VAV3: variants seen among roughly 807,000 people sequenced by gnomAD.
The protein encoded by VAV3 is guanine nucleotide exchange factor VAV3.
A neutral mutation model predicts 131.2 loss-of-function variants in VAV3; 94 were observed. The ratio of observed to expected loss-of-function variants is 0.72; its 90% CI spans 0.61 to 0.85. VAV3 has a LOEUF of 0.85. Among genes scored for constraint, VAV3 ranks in the 40% least tolerant of loss-of-function variants. VAV3 has a pLI of 0.00. For missense variants in VAV3, 939 were observed against 1,002.7 expected (o/e 0.94, Z 0.86); for synonymous variants, 349 against 342.0 (o/e 1.02, Z -0.22).
intron 1 of VAV3, among the ~76,000 whole-genome samples, chr1:107,932,376 T>G (rs1315753119): frequency 6.6e-6 from 1 of 152,144 alleles, no homozygotes; most frequent in East Asian, 1.9e-4. Flanking sequence ...CAGGAGTGAG[T>G]GACATTAGTT....
At chr1:107,848,818 G>C (rs1374659572) in intron 2 of VAV3, among the ~76,000 whole-genome samples, 1 of 152,144 alleles carries the variant, frequency 6.6e-6, no homozygotes, top group Non-Finnish European at 1.5e-5. Flanking sequence ...CGTATATTTA[G>C]AAAATTCCAT....
intron 19 of VAV3, among the ~76,000 whole-genome samples, chr1:107,654,426 C>G (rs1398682402): frequency 2.6e-5 from 4 of 151,960 alleles, no homozygotes; most frequent in Non-Finnish European, 4.4e-5. Flanking sequence ...ATTGGGAATA[C>G]TAAAAATTTA....
At chr1:107,680,659 C>T (rs936878117) in intron 19 of VAV3, among the ~76,000 whole-genome samples, 1 of 152,214 alleles carries the variant, frequency 6.6e-6, no homozygotes, top group Non-Finnish European at 1.5e-5. Flanking sequence ...GTGATCCTCC[C>T]ACTTGGCCTC....
chr1:107,633,840 T>C (rs1654700242), intron 20 of VAV3, among the ~76,000 whole-genome samples: 1 of 152,064 alleles, frequency 6.6e-6, no homozygotes, highest in African/African-American at 2.4e-5. Flanking sequence ...AAGCCTCTGC[T>C]GAGTTCCTAG....
intron 20 of VAV3, among the ~76,000 whole-genome samples, chr1:107,633,024 T>C (rs767785310): frequency 3.9e-5 from 6 of 152,170 alleles, no homozygotes; most frequent in Non-Finnish European, 7.4e-5. Context: ...GGCAGTAGTA[T>C]TTAGTAAAAA....
At chr1:107,889,589 A>T (rs1053041832) in intron 1 of VAV3, among the ~76,000 whole-genome samples, 1 of 152,206 alleles carries the variant, frequency 6.6e-6, no homozygotes, top group East Asian at 1.9e-4. Flanking sequence ...ATGGCTGTTT[A>T]AAAATCACAT....
intron 20 of VAV3, among the ~76,000 whole-genome samples, chr1:107,636,306 T>C (rs543875705): frequency 9.0e-4 from 137 of 152,302 alleles, no homozygotes; most frequent in Admixed American, 1.8e-3. Context: ...AGATGGGCCA[T>C]AAAATAATTC....
intron 15 of VAV3, among the ~76,000 whole-genome samples, chr1:107,707,077 A>G (rs573114242): frequency 1.4e-4 from 21 of 152,216 alleles, no homozygotes; most frequent in Non-Finnish European, 2.4e-4. Flanking sequence ...CAAAAAAATT[A>G]TGATGAAAAA....
At chr1:107,890,052 C>A (rs1035423664) in intron 1 of VAV3, among the ~76,000 whole-genome samples, 2 of 152,024 alleles carry the variant, frequency 1.3e-5, no homozygotes, top group Non-Finnish European at 1.5e-5. Flanking sequence ...CAGATTTTAG[C>A]TCTGCTCACT....
At chr1:107,639,049 A>G (rs1194536523) in intron 20 of VAV3, among the ~76,000 whole-genome samples, 1 of 152,100 alleles carries the variant, frequency 6.6e-6, no homozygotes, top group Non-Finnish European at 1.5e-5. Context: ...TGTATGGACA[A>G]CACATTATCT....
chr1:107,571,497 T>C lies in VAV3; in HGVS notation c.*1834A>G, dbSNP rs1453998469. On this transcript the variant is annotated 3_prime_UTR_variant, in exon 27 of 27. Coordinates refer to ENST00000370056, the MANE Select transcript of VAV3 (RefSeq NM_006113.5). ...TCTATTGACTAAAATAAACAATACA[T>C]GCTACAATACCATCCACAGGAGTGT... The C allele has an allele frequency of 6.6e-6, 1 of 152,556 alleles. No homozygotes were observed. Among genetic ancestry groups the C allele is most frequent in the Admixed American group, 6.5e-5 (1 of 15,282 alleles). 9.5% of individuals were successfully genotyped at this position (152,556 alleles called of 1,614,324 possible).
intron 1 of VAV3, among the ~76,000 whole-genome samples, chr1:107,944,341 G>A (rs969373403): frequency 6.6e-6 from 1 of 152,164 alleles, no homozygotes; most frequent in African/African-American, 2.4e-5. Flanking sequence ...TTGCAGGTAA[G>A]TAAGTCTCAA....
At chr1:107,754,502 A>G (rs1280565943) in intron 12 of VAV3, among the ~76,000 whole-genome samples, 1 of 152,196 alleles carries the variant, frequency 6.6e-6, no homozygotes, top group African/African-American at 2.4e-5. Flanking sequence ...TCCTCTCTTG[A>G]AACCACTTCA....
chr1:107,701,850 T>G (rs1419973957), intron 17 of VAV3, among the ~76,000 whole-genome samples: 1 of 152,164 alleles, frequency 6.6e-6, no homozygotes, highest in Non-Finnish European at 1.5e-5. Flanking sequence ...CAGCCCGAAC[T>G]TCATTGTCCA....
chr1:107,754,984 CT>C (rs200230420), intron 12 of VAV3, among the ~76,000 whole-genome samples: 14 of 149,408 alleles, frequency 9.4e-5, no homozygotes, highest in Non-Finnish European at 1.6e-4. Context: ...ATTTTTAACT[CT>C]TTTTTTTTTA....
At chr1:107,962,944 T>C (rs954992339) in intron 1 of VAV3, among the ~76,000 whole-genome samples, 1 of 152,224 alleles carries the variant, frequency 6.6e-6, no homozygotes, top group East Asian at 1.9e-4. Flanking sequence ...ACAGAACTCT[T>C]AGAGCATTGT....
intron 2 of VAV3, among the ~76,000 whole-genome samples, chr1:107,832,567 A>G (rs576444650): frequency 9.2e-5 from 14 of 152,190 alleles, no homozygotes; most frequent in Non-Finnish European, 1.5e-4. Context: ...AAATAATTTA[A>G]AACACAAACT....
At chr1:107,614,479 T>TAA (rs141884557) in intron 21 of VAV3, among the ~76,000 whole-genome samples, 3 of 149,524 alleles carry the variant, frequency 2.0e-5, no homozygotes, top group African/African-American at 7.3e-5. Context: ...GCCCTATAAT[T>TAA]AAAAAAAAAA....
At chr1:107,582,064 A>G (rs1387592924) in intron 25 of VAV3, among the ~76,000 whole-genome samples, 2 of 152,150 alleles carry the variant, frequency 1.3e-5, no homozygotes, top group South Asian at 4.1e-4. Flanking sequence ...ATATGAGAAG[A>G]TTGGGTCAAT....
Sources: allele counts gnomAD v4.1 joint callset (sites outside exome capture counted in the v4.1 genomes callset), GRCh38; gene constraint gnomAD v4.1.1; transcripts MANE v1.5; gene names NCBI Gene and HGNC (gene_info 2026-07-23, HGNC 2026-07-21).